The following CAPN3 variants were observed in gnomAD, a reference collection of about 807,000 sequenced individuals.
CAPN3 encodes the protein calpain-3.
Under a neutral mutation model 114.0 loss-of-function variants are expected in CAPN3, and 88 were observed. The ratio of observed to expected loss-of-function variants is 0.77; its 90% CI spans 0.65 to 0.92. The LOEUF (loss-of-function observed/expected upper bound fraction) is 0.92. Among genes scored for constraint, CAPN3 ranks in the 40% least tolerant of loss-of-function variants. CAPN3 has a pLI of 0.00. For missense variants in CAPN3, 1,028 were observed against 1,069.0 expected (o/e 0.96, Z 0.53); for synonymous variants, 386 against 382.9 (o/e 1.01, Z -0.09).
intron 15 of CAPN3, 109 bp downstream of exon 15, chr15:42,406,052 C>G (rs2141210760): frequency 2.1e-6 from 2 of 946,800 alleles, no homozygotes; most frequent in East Asian, 2.5e-5. Context: ...CCAGACTTGC[C>G]TCTTCCTCCC....
Position 42,387,802 on chromosome 15 carries a change from CA to C in CAPN3, c.550del (p.Thr184ArgfsTer36), listed in dbSNP as rs80338800. ...GACGTGGTTATAGATGACTGCCTGC[CA>C]ACGTACAACAATCAACTGGTTTTCA... ...WVDVVIDDCL[P>X]TYNNQLVFTK... On this transcript the variant is annotated frameshift_variant, in exon 4 of 24. Transcript: ENST00000397163. LOFTEE classifies it high-confidence loss of function. 371 of 1,614,048 alleles carry C rather than the reference CA, an allele frequency of 2.3e-4. No individual in the cohort carries two copies. Among genetic ancestry groups the C allele is most frequent in the Non-Finnish European group, 2.9e-4 (337 of 1,180,040 alleles).
chr15:42,397,669 A>G (rs1271291510), intron 9 of CAPN3, among the ~76,000 whole-genome samples: 2 of 151,620 alleles, frequency 1.3e-5, no homozygotes. Context: ...ATGTTGTCTT[A>G]GTATAATGTC....
chr15:42,363,607 A>G (rs2052704663), intron 1 of CAPN3, among the ~76,000 whole-genome samples: 1 of 152,184 alleles, frequency 6.6e-6, no homozygotes, highest in Admixed American at 6.5e-5. Context: ...CCCTCCTTGC[A>G]GTAAGTTTTC....
In CAPN3 at chr15:42,392,608, C is replaced by G. The variant is rs749743355; in HGVS notation, c.946-31C>G. On this transcript the variant is annotated intron_variant, in intron 6 of 23. Coordinates refer to ENST00000397163, the MANE Select transcript of CAPN3 (RefSeq NM_000070.3). ...GCAGCAGAACTTCTGTTCCCCCGCC[C>G]CTAATGGGTTCTCTGGTTACTGCTC... The G allele has an allele frequency of 2.6e-6, 4 of 1,560,294 alleles. No individual in the cohort carries two copies. In the East Asian group the frequency reaches 9.0e-5, roughly 35 times the overall value.
intron 9 of CAPN3, among the ~76,000 whole-genome samples, chr15:42,397,742 G>A (rs1457281089): frequency 3.3e-5 from 5 of 152,114 alleles, no homozygotes; most frequent in South Asian, 2.1e-4. Flanking sequence ...AATAGAGACG[G>A]GCCTCGCTAT....
At chr15:42,404,127 G>A (rs1350484290) in intron 14 of CAPN3, 1 of 477,500 alleles carries the variant, frequency 2.1e-6, no homozygotes, top group Non-Finnish European at 4.2e-6. Context: ...TTCACACATA[G>A]AGAAAAGAAA....
Position 42,359,905 on chromosome 15 carries a change from G to C in CAPN3, c.100G>C (p.Ala34Pro), listed in dbSNP as rs772534302. The C allele has an allele frequency of 4.1e-5, 66 of 1,614,226 alleles. 1 individual carries two copies. In the East Asian group the frequency reaches 1.5e-3, roughly 36 times the overall value. Reference sequence around the variant, plus strand: ...CCCGGCCCAGAGCAAGGCCACTGAGGCTGGGGGTGGAAACCCAAGTGGCAT... The same window carrying C: ...CCCGGCCCAGAGCAAGGCCACTGAGCCTGGGGGTGGAAACCCAAGTGGCAT... ...PHPAQSKATE[A>P]GGGNPSGIYS... Residue 34 changes from alanine (A) to proline (P), a missense_variant, in exon 1 of 24, where the codon GCT (alanine) becomes CCT (proline). Coordinates refer to ENST00000397163, the MANE Select transcript of CAPN3 (RefSeq NM_000070.3).
Position 42,408,276 on chromosome 15 carries a change from G to T in CAPN3, c.1866G>T (p.Glu622Asp), listed in dbSNP as rs756319715. Residue 622 changes from glutamate to aspartate, a missense_variant, in exon 16 of 24, where the codon GAG (glutamate) becomes GAT (aspartate). Transcript: ENST00000397163. ...AGCTGGGTGTGGACCAGGAGTCAGA[G>T]GAGGGCAAAGGCAAAACAAGCCCTG... ...NKELGVDQES[E>D]EGKGKTSPDK... 6.2e-7 allele frequency: 1 copy of T among 1,613,942 alleles called. No homozygotes were observed. Among genetic ancestry groups the T allele is most frequent in the African/African-American group, 1.3e-5 (1 of 75,044 alleles).
At chr15:42,394,411 C>A in intron 8 of CAPN3, 70 bp downstream of exon 8, 1 of 1,223,568 alleles carries the variant, frequency 8.2e-7, no homozygotes, top group Non-Finnish European at 1.2e-6. Context: ...GTGTTGGGAA[C>A]TGAGCCATGA....
Position 42,410,911 on chromosome 15 carries a change from ACAT to A in CAPN3, c.2295_2297del (p.Ile766del), listed in dbSNP as rs760571071. The A allele has an allele frequency of 1.2e-6, 2 of 1,614,152 alleles. No homozygotes were observed. The highest frequency in any genetic ancestry group is 1.7e-6 in the Non-Finnish European group (2 of 1,179,966). On this transcript the variant is annotated inframe_deletion, in exon 22 of 24. Coordinates refer to ENST00000397163, the MANE Select transcript of CAPN3 (RefSeq NM_000070.3). ...TTCCACCTCAACAACCAGCTCTATGACATCATTACCATGCGGTACGCAGACAAA... is the reference window on the plus strand; with the variant it reads ...TTCCACCTCAACAACCAGCTCTATGACATTACCATGCGGTACGCAGACAAA...
At chr15:42,374,225 C>CT (rs2053029094) in intron 1 of CAPN3, 1 of 152,824 alleles carries the variant, frequency 6.5e-6, no homozygotes, top group African/African-American at 2.4e-5. Context: ...TAGGCGTGGA[C>CT]TGAGGGTGCA....
chr15:42,393,526 A>C (rs780710809), intron 7 of CAPN3, among the ~76,000 whole-genome samples: 13 of 151,392 alleles, frequency 8.6e-5, no homozygotes, highest in Non-Finnish European at 1.9e-4. Context: ...CACCCATTGC[A>C]GCAGACTGGA....
rs886051150 is a variant in CAPN3, at chr15:42,411,975, A to G, written c.*202A>G. The G allele has an allele frequency of 8.5e-5, 129 of 1,511,974 alleles. No homozygotes were observed. In the African/African-American group the frequency reaches 1.4e-3, roughly 17 times the overall value. 93.7% of individuals were successfully genotyped at this position (1,511,974 alleles called of 1,614,324 possible). A position where few individuals can be genotyped will look rare whatever the true frequency, so the allele number is the denominator to read the frequency against. On this transcript the variant is annotated 3_prime_UTR_variant, in exon 24 of 24. Transcript: ENST00000397163. The stretch of plus-strand genomic sequence containing the variant: ...CCTAGCCTGACCCTTTAGTAAAGCA[A>G]TGAGGTAGGAAGAACAAACCCTTGT...
At chr15:42,386,804 A>T (rs1178151337) in intron 3 of CAPN3, among the ~76,000 whole-genome samples, 1 of 152,122 alleles carries the variant, frequency 6.6e-6, no homozygotes, top group East Asian at 1.9e-4. Flanking sequence ...TCTAGAATCC[A>T]TCCAGCTACT....
Position 42,396,118 on chromosome 15 carries a change from C to G in CAPN3, c.1116-682C>G, listed in dbSNP as rs139051550. Among the ~76,000 whole-genome samples the G allele has an allele frequency of 6.9e-3, 1,057 of 152,212 alleles. 12 individuals carry two copies. Among genetic ancestry groups the G allele is most frequent in the African/African-American group, 0.025 (1,019 of 41,522 alleles). On this transcript the variant is annotated intron_variant, in intron 8 of 23. Transcript: ENST00000397163. The stretch of plus-strand genomic sequence containing the variant: ...CCATCCCAGCCCTGTGAACAGGTGA[C>G]ATAATCATTTTCCTTTTGCAATTGA...
rs111276174 is a variant in CAPN3 at position 42,384,439 on chromosome 15, A to C, written c.310-44A>C. On this transcript the variant is annotated intron_variant, in intron 1 of 23. Coordinates refer to ENST00000397163, the MANE Select transcript of CAPN3 (RefSeq NM_000070.3). ...AAAATACCTATCTATCTATCTGTCT[A>C]TCTACTGTTATTCTTACCTGGTCAT... 4 of 1,361,164 alleles carry C rather than the reference A, an allele frequency of 2.9e-6. No individual in the cohort carries two copies. The South Asian group carries it at 3.5e-5, about 12-fold the overall frequency. The allele number at this position is 1,361,164 out of a possible 1,614,324, so 84.3% of individuals were successfully genotyped here. A position where few individuals can be genotyped will look rare whatever the true frequency, so the allele number is the denominator to read the frequency against.
At chr15:42,404,622 CTG>C (rs973039133) in intron 14 of CAPN3, among the ~76,000 whole-genome samples, 22 of 152,216 alleles carry the variant, frequency 1.4e-4, no homozygotes, top group Non-Finnish European at 2.8e-4. Flanking sequence ...GCACAGAGTG[CTG>C]TGTGTTGGGC....
chr15:42,380,366 G>GTTT (rs2053205064), intron 1 of CAPN3, among the ~76,000 whole-genome samples: 1 of 58,212 alleles, frequency 1.7e-5, no homozygotes, highest in Non-Finnish European at 3.4e-5. Flanking sequence ...CTTCTTTTTT[G>GTTT]TCTTTTTTTT....
At chr15:42,403,954 G>A in intron 14 of CAPN3, 177 bp downstream of exon 14, 1 of 707,252 alleles carries the variant, frequency 1.4e-6, no homozygotes, top group Non-Finnish European at 2.6e-6. Context: ...GAAGTAATCG[G>A]CCTTAAGCAC....
Sources: gnomAD v4.1 joint callset for allele counts (sites outside exome capture counted in the v4.1 genomes callset) on GRCh38, gnomAD v4.1.1 for gene constraint, MANE v1.5 for transcripts, NCBI Gene and HGNC (gene_info 2026-07-23, HGNC 2026-07-21) for gene names.